The following DLG2 variants were observed in gnomAD, a reference collection of about 807,000 sequenced individuals.
The protein encoded by DLG2 is disks large homolog 2.
A neutral mutation model predicts 132.5 loss-of-function variants in DLG2; 45 were observed. That is an observed-to-expected ratio of 0.34 (90% CI 0.27 to 0.44). The LOEUF (loss-of-function observed/expected upper bound fraction) is 0.44. DLG2 is among the 20% of genes least tolerant of loss of function. The probability of loss-of-function intolerance (pLI) is 1.00; values close to 1 mark genes in which losing one functional copy is unlikely to be tolerated. For synonymous variants in DLG2, 424 were observed against 419.6 expected, an observed-to-expected ratio of 1.01 and a Z score of -0.13; for missense variants, 1,045 against 1,196.9, an observed-to-expected ratio of 0.87 and a Z score of 1.87.
intron 3 of DLG2, among the ~76,000 whole-genome samples, chr11:85,349,500 T>C (rs985642557): frequency 6.6e-6 from 1 of 152,016 alleles, no homozygotes; most frequent in Non-Finnish European, 1.5e-5. Context: ...CCATGTTGGT[T>C]TGCTGCACCC....
At chr11:83,689,980 A>C (rs1566548890) in intron 18 of DLG2, among the ~76,000 whole-genome samples, 5 of 134,654 alleles carry the variant, frequency 3.7e-5, no homozygotes, top group African/African-American at 1.1e-4. Flanking sequence ...TTATATTATA[A>C]TATATTTATT....
chr11:83,699,363 C>A (rs1162325976), intron 18 of DLG2, among the ~76,000 whole-genome samples: 1 of 152,024 alleles, frequency 6.6e-6, no homozygotes, highest in Non-Finnish European at 1.5e-5. Context: ...TTTCTATGTA[C>A]TGATACATAA....
intron 7 of DLG2, among the ~76,000 whole-genome samples, chr11:84,278,425 C>A (rs2154368775): frequency 6.6e-6 from 1 of 151,980 alleles, no homozygotes; most frequent in South Asian, 2.1e-4. Flanking sequence ...AACGATTCTA[C>A]ACAAAATTTT....
At chr11:84,618,757 A>G (rs2099608870) in intron 6 of DLG2, among the ~76,000 whole-genome samples, 1 of 152,108 alleles carries the variant, frequency 6.6e-6, no homozygotes, top group African/African-American at 2.4e-5. Flanking sequence ...TGAGACCACC[A>G]TCAAGGAGAT....
intron 19 of DLG2, among the ~76,000 whole-genome samples, chr11:83,560,820 A>G (rs1188406155): frequency 7.0e-6 from 1 of 142,594 alleles, no homozygotes; most frequent in African/African-American, 2.7e-5. Flanking sequence ...AACTATACTT[A>G]AGAATAAGTC....
chr11:84,278,639 A>G (rs1469794362), intron 7 of DLG2, among the ~76,000 whole-genome samples: 1 of 152,182 alleles, frequency 6.6e-6, no homozygotes, highest in Non-Finnish European at 1.5e-5. Context: ...ATCATGACCA[A>G]GTAGGCTTTA....
At chr11:85,624,040 C>A (rs2081904489) in intron 2 of DLG2, among the ~76,000 whole-genome samples, 1 of 152,080 alleles carries the variant, frequency 6.6e-6, no homozygotes, top group South Asian at 2.1e-4. Flanking sequence ...ATAAGAAAAT[C>A]TTGAATGAAA....
intron 15 of DLG2, among the ~76,000 whole-genome samples, chr11:83,896,966 A>T (rs2071901850): frequency 6.6e-6 from 1 of 152,164 alleles, no homozygotes; most frequent in Non-Finnish European, 1.5e-5. Context: ...TAAGCTCTAA[A>T]TTTCTAGGTT....
intron 19 of DLG2, among the ~76,000 whole-genome samples, chr11:83,544,180 T>TA (rs1232221118): frequency 2.0e-5 from 3 of 152,204 alleles, no homozygotes; most frequent in Non-Finnish European, 4.4e-5. Context: ...AACTTGCAGC[T>TA]AATTTTTTCC....
chr11:84,587,998 T>C (rs909579294), intron 6 of DLG2, among the ~76,000 whole-genome samples: 10 of 152,210 alleles, frequency 6.6e-5, no homozygotes, highest in African/African-American at 2.4e-4. Context: ...GCATCACTCC[T>C]CTGCTTAACA....
chr11:83,710,412 C>A (rs12272552), intron 18 of DLG2, among the ~76,000 whole-genome samples: 24,842 of 152,124 alleles, frequency 0.16, 2,379 homozygotes, highest in Middle Eastern at 0.24. Flanking sequence ...TCCACCCCCG[C>A]TCAGCCTCCC....
chr11:84,397,655 A>C (rs182952600), intron 7 of DLG2, among the ~76,000 whole-genome samples: 2 of 152,354 alleles, frequency 1.3e-5, no homozygotes, highest in Non-Finnish European at 2.9e-5. Flanking sequence ...CCCTATCGCC[A>C]ACTCAGTTGA....
intron 7 of DLG2, among the ~76,000 whole-genome samples, chr11:84,407,180 C>T (rs984318813): frequency 7.2e-5 from 11 of 152,108 alleles, no homozygotes; most frequent in Non-Finnish European, 5.9e-5. Context: ...TGGAGACATG[C>T]CTAATATGTC....
At chr11:85,021,664 G>A (rs1196126816) in intron 6 of DLG2, 2 of 1,137,152 alleles carry the variant, frequency 1.8e-6, no homozygotes, top group Non-Finnish European at 2.7e-6. Flanking sequence ...TGTGTTTGAT[G>A]ATAAGGTTTC....
chr11:85,166,889 T>A (rs917178232), intron 4 of DLG2, among the ~76,000 whole-genome samples: 2 of 152,186 alleles, frequency 1.3e-5, no homozygotes, highest in African/African-American at 4.8e-5. Flanking sequence ...ATTCATCTTT[T>A]ATATACATAT....
chr11:84,866,911 G>A (rs2084656361), intron 6 of DLG2, among the ~76,000 whole-genome samples: 1 of 152,138 alleles, frequency 6.6e-6, no homozygotes, highest in Admixed American at 6.5e-5. Context: ...TGTTATATCT[G>A]TCTTTTTAGA....
chr11:84,724,205 G>A (rs538031117), intron 6 of DLG2, among the ~76,000 whole-genome samples: 1 of 152,132 alleles, frequency 6.6e-6, no homozygotes, highest in African/African-American at 2.4e-5. Context: ...TTTTTATTAA[G>A]ATGAAATAGG....
At chr11:83,549,218 G>C (rs1302843373) in intron 19 of DLG2, among the ~76,000 whole-genome samples, 1 of 152,150 alleles carries the variant, frequency 6.6e-6, no homozygotes, top group Non-Finnish European at 1.5e-5. Context: ...ATCCCACTGT[G>C]CCTGGCTTGG....
chr11:84,894,202 T>C (rs1424430668), intron 6 of DLG2, among the ~76,000 whole-genome samples: 8 of 152,180 alleles, frequency 5.3e-5, no homozygotes, highest in Non-Finnish European at 7.4e-5. Context: ...GTCAAGGTCA[T>C]CAACAAGACT....
Sources: gnomAD v4.1 joint callset for allele counts (sites outside exome capture counted in the v4.1 genomes callset) on GRCh38, gnomAD v4.1.1 for gene constraint, MANE v1.5 for transcripts, NCBI Gene and HGNC (gene_info 2026-07-23, HGNC 2026-07-21) for gene names.